Variants in IL1RL2 observed in about 807,000 individuals in gnomAD.
The protein encoded by IL1RL2 is interleukin-1 receptor-like 2.
IL1RL2 carries 68 observed loss-of-function variants against 66.8 expected under a neutral mutation model. The ratio of observed to expected loss-of-function variants is 1.02; its 90% CI spans 0.84 to 1.25. The LOEUF is 1.25. IL1RL2 is among the 50% of genes most tolerant of loss of function. IL1RL2 has a pLI of 0.00. For missense variants in IL1RL2, 729 were observed against 709.3 expected (o/e 1.03, Z -0.32); for synonymous variants, 305 against 264.6 (o/e 1.15, Z -1.48).
intron 5 of IL1RL2, among the ~76,000 whole-genome samples, chr2:102,204,311 C>T (rs1184126082): frequency 6.6e-6 from 1 of 152,080 alleles, no homozygotes; most frequent in Non-Finnish European, 1.5e-5. Flanking sequence ...GATGGTCTGT[C>T]CTTGAGAATG....
At chr2:102,238,838 A>G (rs6752589) in intron 11 of IL1RL2, among the ~76,000 whole-genome samples, 116,189 of 151,992 alleles carry the variant, frequency 0.76, 44,897 homozygotes, top group African/African-American at 0.84. Context: ...TACACCCAGG[A>G]ACTTCTGAGA....
intron 11 of IL1RL2, chr2:102,235,672 G>T (rs894497273): frequency 1.0e-6 from 1 of 985,270 alleles, no homozygotes; most frequent in Non-Finnish European, 1.2e-6. Flanking sequence ...GCTGTCGGGG[G>T]ACCACAGGAG....
At position 102,225,981 on chromosome 2, in the gene IL1RL2, T is replaced by G; in HGVS notation, c.1075T>G (p.Phe359Val). The part of the protein sequence containing the change: ...AVSVVYIYNI[F>V]KIDIVLWYRS... ...GTCTGTTGTGTACATATACAACATT[T>G]TTAAGATCGACATTGTTCTTTGGTA... Residue 359 changes from phenylalanine (F) to valine (V), a missense_variant, in exon 9 of 12, where the codon TTT becomes GTT. Transcript: ENST00000264257. 1 of 1,609,434 alleles carries G rather than the reference T, an allele frequency of 6.2e-7. No individual in the cohort carries two copies. The highest frequency in any genetic ancestry group is 8.5e-7 in the Non-Finnish European group (1 of 1,177,666).
intron 5 of IL1RL2, among the ~76,000 whole-genome samples, chr2:102,210,342 G>A (rs1689059826): frequency 6.6e-6 from 1 of 152,164 alleles, no homozygotes; most frequent in Non-Finnish European, 1.5e-5. Context: ...GTAGGAACCA[G>A]CAATTCAGAG....
At chr2:102,238,521 G>A (rs140174718) in intron 11 of IL1RL2, among the ~76,000 whole-genome samples, 11 of 152,322 alleles carry the variant, frequency 7.2e-5, no homozygotes, top group East Asian at 5.8e-4. Flanking sequence ...CCATAGTGAC[G>A]CAGACCACTT....
chr2:102,235,709 G>T, intron 11 of IL1RL2: 1 of 985,416 alleles, frequency 1.0e-6, no homozygotes, highest in Non-Finnish European at 1.2e-6. Context: ...GAGAGGGTTG[G>T]CAAGGATAGC....
intron 6 of IL1RL2, among the ~76,000 whole-genome samples, chr2:102,215,438 C>CCTGGTTCCCAAATG (rs974400975): frequency 8.5e-5 from 13 of 152,106 alleles, no homozygotes; most frequent in Non-Finnish European, 1.3e-4. Flanking sequence ...TTACTGTGAT[C>CCTGGTTCCCAAATG]CTGGTTCCCA....
intron 4 of IL1RL2, among the ~76,000 whole-genome samples, chr2:102,200,776 C>T (rs573251352): frequency 6.6e-6 from 1 of 152,154 alleles, no homozygotes; most frequent in South Asian, 2.1e-4. Flanking sequence ...GGCTTGCCCT[C>T]TGGGTGGTTG....
intron 9 of IL1RL2, among the ~76,000 whole-genome samples, chr2:102,229,865 C>CA (rs1690963432): frequency 6.6e-6 from 1 of 152,192 alleles, no homozygotes; most frequent in Non-Finnish European, 1.5e-5. Context: ...AGTTGGAGAG[C>CA]AACAAGTACC....
At chr2:102,187,431 C>A in intron 1 of IL1RL2, 1 of 1,081,040 alleles carries the variant, frequency 9.3e-7, no homozygotes, top group Non-Finnish European at 1.2e-6. Context: ...AGGACACAGG[C>A]GCGCAGGGGA....
rs189640693 is a variant in IL1RL2 at position 102,201,589 on chromosome 2, G to A, written c.523G>A (p.Val175Ile). Residue 175 changes from valine (V) to isoleucine (I), a missense_variant, in exon 5 of 12, where the codon GTT becomes ATT. Coordinates refer to ENST00000264257, the MANE Select transcript of IL1RL2 (RefSeq NM_003854.4). ...CGAGATTAAAGGGGAGCGGTTCACT[G>A]TTTTGGAAACCAGGCTTTTGGTGAG... ...CNEIKGERFT[V>I]LETRLLVSNV... 1 of 1,614,098 alleles carries A rather than the reference G, an allele frequency of 6.2e-7. No individual in the cohort carries two copies. Among genetic ancestry groups the A allele is most frequent in the African/African-American group, 1.3e-5 (1 of 75,022 alleles).
chr2:102,214,164 CT>C (rs1254652470), intron 6 of IL1RL2, among the ~76,000 whole-genome samples: 1 of 152,108 alleles, frequency 6.6e-6, no homozygotes, highest in African/African-American at 2.4e-5. Context: ...TTCTCTACTC[CT>C]GTCTTTGGAA....
chr2:102,189,197 T>C lies in IL1RL2; in HGVS notation c.180T>C (p.Ser60=). ...GEVSVTWYKN[S]SKIPVSKIIQ... ...TCAGTGTAACATGGTATAAAAATTC[T>C]AGCAAAATCCCAGTGTCCAAAATCA... Residue 60 remains serine (S), a synonymous_variant, in exon 3 of 12, where the codon TCT becomes TCC. Transcript: ENST00000264257. 1 of 1,614,148 alleles carries C rather than the reference T, an allele frequency of 6.2e-7. No individual in the cohort carries two copies. The highest frequency in any genetic ancestry group is 8.5e-7 in the Non-Finnish European group (1 of 1,179,976).
At chr2:102,218,588 C>A (rs538428003) in intron 6 of IL1RL2, among the ~76,000 whole-genome samples, 193 of 152,328 alleles carry the variant, frequency 1.3e-3, no homozygotes, top group Non-Finnish European at 2.3e-3. Flanking sequence ...TAGCCCCTCC[C>A]CTTTTCCTGC....
intron 8 of IL1RL2, among the ~76,000 whole-genome samples, chr2:102,220,817 A>G (rs536533870): frequency 1.3e-5 from 2 of 152,320 alleles, no homozygotes; most frequent in East Asian, 3.9e-4. Context: ...AGCCCCACCA[A>G]ATATTTTTCT....
At chr2:102,228,105 T>C (rs1690795947) in intron 9 of IL1RL2, among the ~76,000 whole-genome samples, 1 of 152,200 alleles carries the variant, frequency 6.6e-6, no homozygotes, top group Non-Finnish European at 1.5e-5. Context: ...GGGTCCTTTT[T>C]TTCTTTATTT....
chr2:102,239,204 G>T lies in IL1RL2; in HGVS notation c.1691G>T (p.Gly564Val). The T allele has an allele frequency of 6.2e-7, 1 of 1,613,990 alleles. No homozygotes were observed. Residue 564 changes from glycine (G) to valine (V), a missense_variant, in exon 12 of 12, where the codon GGC becomes GTC. Physicochemically the swap from Gly to Val is moderately radical, Grantham distance 109 (BLOSUM62 -3). Coordinates refer to ENST00000264257, the MANE Select transcript of IL1RL2 (RefSeq NM_003854.4). ...PCYRTAGPEL[G>V]SRRKKCTLTT... The stretch of plus-strand genomic sequence containing the variant: ...TTCCTGATTTCAGGCCCAGAACTAG[G>T]CTCAAGAAGAAAGAAGTGTACTCTC...
At chr2:102,232,882 G>A in intron 9 of IL1RL2, 81 bp from the exon 10 acceptor site, 3 of 1,507,202 alleles carry the variant, frequency 2.0e-6, no homozygotes, top group Non-Finnish European at 2.7e-6. Context: ...GGACACCATG[G>A]TAGCCGCTCA....
chr2:102,189,066 CT>C lies in IL1RL2; in HGVS notation c.59-7del. ...TGGATAATTGTTTTGTTTTGTTTTT[CT>C]TTCCCTAGATGGATGCAAGGACATT... On this transcript the variant is annotated splice_polypyrimidine_tract_variant and intron_variant, in intron 2 of 11. Transcript: ENST00000264257. 6 of 1,592,148 alleles carry C rather than the reference CT, an allele frequency of 3.8e-6. No homozygotes were observed. Among genetic ancestry groups the C allele is most frequent in the Non-Finnish European group, 5.2e-6 (6 of 1,164,878 alleles).
Sources: allele counts gnomAD v4.1 joint callset (sites outside exome capture counted in the v4.1 genomes callset), GRCh38; gene constraint gnomAD v4.1.1; transcripts MANE v1.5; gene names NCBI Gene and HGNC (gene_info 2026-07-23, HGNC 2026-07-21).